The following IQUB variants were observed in gnomAD, a reference collection of about 807,000 sequenced individuals.
IQUB encodes IQ motif and ubiquitin-like domain-containing protein.
In IQUB, 86 loss-of-function variants were observed where a neutral mutation model predicts 86.4. The observed-to-expected ratio is 1.00, with a 90% CI of 0.84 to 1.19. The LOEUF is 1.19. Among genes scored for constraint, IQUB ranks in the 50% most tolerant of loss-of-function variants. The pLI is 0.00. For synonymous variants in IQUB, 289 were observed against 304.5 expected (o/e 0.95, Z 0.53); for missense variants, 946 against 916.9 (o/e 1.03, Z -0.41).
At position 123,457,973 on chromosome 7, in the gene IQUB, C is replaced by A. The variant is rs576195514; in HGVS notation, c.2008-407G>T. 1.1e-3 allele frequency: 179 copies of A among 165,010 alleles called. 7 individuals carry two copies. In the South Asian group the frequency reaches 0.028, roughly 26 times the overall value. The allele number at this position is 165,010 out of a possible 1,614,324, so 10.2% of individuals were successfully genotyped here. A position where few individuals can be genotyped will look rare whatever the true frequency, so the allele number is the denominator to read the frequency against. On this transcript the variant is annotated intron_variant, in intron 11 of 12. Transcript: ENST00000324698. Reference sequence around the variant, plus strand: ...TACTGCCATTTTACAAATGAGGAAGCTGAGATTTTTTTTTTTTAATATGGA... The same window carrying A: ...TACTGCCATTTTACAAATGAGGAAGATGAGATTTTTTTTTTTTAATATGGA...
rs974656888 is a variant in IQUB, at chr7:123,510,882, G to C, written c.398-847C>G. ...ATTAATAAATTTTAAAACTTTCATA[G>C]TAGTGACTTCTTAAGCTTTGGGAAG... On this transcript the variant is annotated intron_variant, in intron 2 of 12. Coordinates refer to ENST00000324698, the MANE Select transcript of IQUB (RefSeq NM_178827.5). 2.6e-5 allele frequency among the ~76,000 whole-genome samples: 4 copies of C among 152,188 alleles called. No homozygotes were observed. The East Asian group carries it at 7.7e-4, about 29-fold the overall frequency.
At chr7:123,456,956 AAAG>A (rs1459938345) in intron 12 of IQUB, among the ~76,000 whole-genome samples, 3 of 152,094 alleles carry the variant, frequency 2.0e-5, no homozygotes, top group Non-Finnish European at 4.4e-5. Flanking sequence ...ATAATTAATC[AAAG>A]AAGGACAGAT....
chr7:123,513,126 G>GCCTCTC (rs1796502291), intron 1 of IQUB, among the ~76,000 whole-genome samples: 1 of 152,184 alleles, frequency 6.6e-6, no homozygotes, highest in Non-Finnish European at 1.5e-5. Context: ...TGAAACAGTA[G>GCCTCTC]TGAGGTGGAA....
At chr7:123,480,936 G>C (rs576300124) in intron 7 of IQUB, among the ~76,000 whole-genome samples, 19 of 152,168 alleles carry the variant, frequency 1.2e-4, no homozygotes, top group African/African-American at 4.6e-4. Flanking sequence ...AGCTCAGATA[G>C]ATACATGCAT....
At chr7:123,496,362 C>T (rs1056698319) in intron 7 of IQUB, among the ~76,000 whole-genome samples, 12 of 152,048 alleles carry the variant, frequency 7.9e-5, no homozygotes, top group African/African-American at 2.7e-4. Flanking sequence ...ACTCTGAGTT[C>T]AAAATTCCCA....
intron 8 of IQUB, among the ~76,000 whole-genome samples, chr7:123,477,207 A>G (rs1030185836): frequency 6.6e-6 from 1 of 152,218 alleles, no homozygotes; most frequent in African/African-American, 2.4e-5. Context: ...GGCTACAGTA[A>G]CCAAAACAGC....
rs1279440975 is a variant in IQUB, at chr7:123,461,422, G to A, written c.1942C>T (p.Leu648Phe). The change falls in exon 11 of 13, where the codon CTT (leucine) becomes TTT (phenylalanine). Residue 648 changes from leucine (L) to phenylalanine (F), a missense_variant. Coordinates refer to ENST00000324698, the MANE Select transcript of IQUB (RefSeq NM_178827.5). ...RESFLKYKCL[L>F]QQLYYTEADY... ...GCTTCTGTATAGTAGAGCTGTTGAA[G>A]TAAACATTTGTACTTCAAAAATGAT... 1 of 1,612,112 alleles carries A rather than the reference G, an allele frequency of 6.2e-7. No homozygotes were observed. The highest frequency in any genetic ancestry group is 8.5e-7 in the Non-Finnish European group (1 of 1,178,718).
intron 1 of IQUB, among the ~76,000 whole-genome samples, chr7:123,514,681 A>G (rs1244317167): frequency 2.6e-5 from 4 of 152,150 alleles, no homozygotes; most frequent in Admixed American, 6.5e-5. Context: ...CTGGGCTTTT[A>G]TTGAGGCCAT....
chr7:123,491,499 G>A (rs557919963), intron 7 of IQUB, among the ~76,000 whole-genome samples: 2 of 152,184 alleles, frequency 1.3e-5, no homozygotes, highest in African/African-American at 4.8e-5. Context: ...AGTAATTGAG[G>A]TAACATCACT....
At chr7:123,521,174 T>TTA (rs1227890854) in intron 1 of IQUB, among the ~76,000 whole-genome samples, 1 of 152,150 alleles carries the variant, frequency 6.6e-6, no homozygotes, top group Non-Finnish European at 1.5e-5. Context: ...AAGCCACATA[T>TTA]TATAAAGTTC....
intron 1 of IQUB, among the ~76,000 whole-genome samples, chr7:123,521,548 G>A (rs1796903153): frequency 6.6e-6 from 1 of 152,020 alleles, no homozygotes; most frequent in Non-Finnish European, 1.5e-5. Context: ...TCAGGAGGCT[G>A]AGGTTGGAAG....
intron 1 of IQUB, among the ~76,000 whole-genome samples, chr7:123,521,425 T>A (rs1266564409): frequency 6.6e-6 from 1 of 152,054 alleles, no homozygotes; most frequent in Non-Finnish European, 1.5e-5. Flanking sequence ...GTCAGATCTC[T>A]CGAGCCTAGG....
At chr7:123,521,076 GAGA>G (rs1027046391) in intron 1 of IQUB, among the ~76,000 whole-genome samples, 11 of 152,136 alleles carry the variant, frequency 7.2e-5, no homozygotes, top group Non-Finnish European at 1.3e-4. Context: ...TTGAAGTTCT[GAGA>G]AGATGTTGTC....
intron 9 of IQUB, among the ~76,000 whole-genome samples, chr7:123,465,929 G>C (rs991375491): frequency 3.3e-5 from 5 of 151,878 alleles, no homozygotes; most frequent in Non-Finnish European, 5.9e-5. Context: ...CCCTCTCTCA[G>C]GCTCTCCAGG....
intron 7 of IQUB, among the ~76,000 whole-genome samples, chr7:123,481,689 G>A (rs1245927393): frequency 1.3e-5 from 2 of 152,086 alleles, no homozygotes; most frequent in African/African-American, 2.4e-5. Flanking sequence ...CTTGGAACTA[G>A]AGAAAAGGGT....
At chr7:123,509,628 A>G (rs1007714190) in intron 3 of IQUB, among the ~76,000 whole-genome samples, 2 of 152,166 alleles carry the variant, frequency 1.3e-5, no homozygotes, top group Non-Finnish European at 2.9e-5. Context: ...TACACATTAC[A>G]TGGTAGCTAC....
At chr7:123,493,804 T>G (rs1795595525) in intron 7 of IQUB, among the ~76,000 whole-genome samples, 1 of 145,814 alleles carries the variant, frequency 6.9e-6, no homozygotes, top group African/African-American at 2.5e-5. Flanking sequence ...TATACACAAG[T>G]AGTACTACTA....
chr7:123,523,074 G>A (rs1796992613), intron 1 of IQUB, among the ~76,000 whole-genome samples: 1 of 150,996 alleles, frequency 6.6e-6, no homozygotes, highest in African/African-American at 2.4e-5. Flanking sequence ...TGGTGTATAT[G>A]TGCCACATTT....
rs1237460187 is a variant in IQUB at position 123,452,249 on chromosome 7, G to A, written c.*494C>T. On this transcript the variant is annotated 3_prime_UTR_variant, in exon 13 of 13. Transcript: ENST00000324698. ...AGAAGGATGGAAGGTGAAAGCAGAC[G>A]ATAAACTGCAAAGATTCAAATGCCT... Among the ~76,000 whole-genome samples, 2 of 152,030 alleles carry A rather than the reference G, an allele frequency of 1.3e-5. No homozygotes were observed. Among genetic ancestry groups the A allele is most frequent in the African/African-American group, 4.8e-5 (2 of 41,330 alleles).
Sources: gnomAD v4.1 joint callset for allele counts (sites outside exome capture counted in the v4.1 genomes callset) on GRCh38, gnomAD v4.1.1 for gene constraint, MANE v1.5 for transcripts, NCBI Gene and HGNC (gene_info 2026-07-23, HGNC 2026-07-21) for gene names.